COL4A5: variants seen among roughly 807,000 people sequenced by gnomAD.
COL4A5 encodes the protein collagen type IV alpha 5 chain.
Under a neutral mutation model 130.2 loss-of-function variants are expected in COL4A5, and 26 were observed. That is an observed-to-expected ratio of 0.20 (90% CI 0.15 to 0.28). COL4A5 has a LOEUF of 0.28. Among genes scored for constraint, COL4A5 ranks in the 10% least tolerant of loss-of-function variants. The probability of loss-of-function intolerance (pLI) is 1.00; values close to 1 mark genes in which losing one functional copy is unlikely to be tolerated. For synonymous variants in COL4A5, 496 were observed against 439.6 expected, an observed-to-expected ratio of 1.13 and a Z score of -1.60; for missense variants, 1,131 against 1,344.3, an observed-to-expected ratio of 0.84 and a Z score of 2.48.
At position 108,591,167 on chromosome X, in the gene COL4A5, C is replaced by T. The variant is rs144674397; in HGVS notation, c.1275C>T (p.Asp425=). Residue 425 remains aspartate, a synonymous_variant, in exon 20 of 53, where the codon GAC becomes GAT. Transcript: ENST00000328300. ...GISIPGPPGL[D]GQPGAPGLPG... The stretch of plus-strand genomic sequence containing the variant: ...CCATTCCTGGACCTCCTGGACTTGA[C>T]GGACAGCCTGGGGCTCCTGGGCTTC... The T allele has an allele frequency of 6.5e-5, 79 of 1,208,557 alleles. No homozygotes were observed. Among genetic ancestry groups the T allele is most frequent in the African/African-American group, 5.4e-4 (31 of 57,359 alleles).
At chrX:108,526,432 C>T (rs934944529) in intron 1 of COL4A5, among the ~76,000 whole-genome samples, 1 of 111,322 alleles carries the variant, frequency 9.0e-6, no homozygotes, top group African/African-American at 3.3e-5. Flanking sequence ...ACAAAGTCAT[C>T]TCTCCCATGG....
rs759261533 is a variant in COL4A5, at chrX:108,601,925, A to T, written c.2082A>T (p.Ile694=). The change falls in exon 27 of 53, where the codon ATA becomes ATT. Residue 694 remains isoleucine (I), a synonymous_variant. Transcript: ENST00000328300. ...CAGGGCAACCAGGCTTGCCAGGGAT[A>T]CCTGGTAGCAAAGGAGAACCAGGTA... ...GLPGQPGLPG[I]PGSKGEPGIP... The T allele has an allele frequency of 8.6e-7, 1 of 1,163,829 alleles. No individual in the cohort carries two copies. Among genetic ancestry groups the T allele is most frequent in the East Asian group, 3.2e-5 (1 of 31,411 alleles).
chrX:108,536,457 A>C (rs1032969716), intron 1 of COL4A5, among the ~76,000 whole-genome samples: 1 of 111,727 alleles, frequency 9.0e-6, no homozygotes, highest in African/African-American at 3.2e-5. Context: ...CTGTAGTTTC[A>C]TCATTTTCTT....
intron 44 of COL4A5, among the ~76,000 whole-genome samples, chrX:108,679,104 T>G (rs1033224257): frequency 2.7e-5 from 3 of 112,380 alleles, no homozygotes; most frequent in African/African-American, 6.5e-5. Flanking sequence ...AGGTCCATGA[T>G]GTCTATCTGC....
At chrX:108,654,050 G>A (rs1303461701) in intron 36 of COL4A5, among the ~76,000 whole-genome samples, 2 of 112,460 alleles carry the variant, frequency 1.8e-5, no homozygotes, top group East Asian at 2.8e-4. Flanking sequence ...GCAAGTGTAT[G>A]TACTAAGTGA....
intron 2 of COL4A5, among the ~76,000 whole-genome samples, chrX:108,546,153 G>A (rs1603271319): frequency 8.9e-6 from 1 of 111,782 alleles, no homozygotes; most frequent in South Asian, 3.7e-4. Flanking sequence ...CTGTCATTAT[G>A]ATGTTAGCTG....
intron 1 of COL4A5, among the ~76,000 whole-genome samples, chrX:108,458,500 C>T (rs1300469552): frequency 9.0e-6 from 1 of 111,668 alleles, no homozygotes; most frequent in Non-Finnish European, 1.9e-5. Flanking sequence ...GGGGTCTCCT[C>T]TTCGCCCCCG....
chrX:108,465,324 G>A (rs1272374151), intron 1 of COL4A5, among the ~76,000 whole-genome samples: 1 of 112,014 alleles, frequency 8.9e-6, no homozygotes, highest in African/African-American at 3.2e-5. Context: ...GTATCTTGTT[G>A]TTTTAATTTG....
intron 25 of COL4A5, among the ~76,000 whole-genome samples, chrX:108,601,152 C>T (rs192682997): frequency 9.0e-6 from 1 of 111,382 alleles, no homozygotes; most frequent in Non-Finnish European, 1.9e-5. Flanking sequence ...TAAAATTAAC[C>T]ATTATACATC....
chrX:108,603,441 T>G (rs982001052), intron 28 of COL4A5, among the ~76,000 whole-genome samples: 2 of 111,614 alleles, frequency 1.8e-5, no homozygotes, highest in African/African-American at 6.5e-5. Flanking sequence ...ATAAAGGTTA[T>G]GTTTACACTA....
At chrX:108,572,486 G>A (rs1364528781) in intron 8 of COL4A5, among the ~76,000 whole-genome samples, 1 of 110,887 alleles carries the variant, frequency 9.0e-6, no homozygotes, top group African/African-American at 3.3e-5. Context: ...ACTTTTACAC[G>A]ATCTCAAAAC....
chrX:108,526,678 T>C (rs1250114099), intron 1 of COL4A5, among the ~76,000 whole-genome samples: 2 of 39,349 alleles, frequency 5.1e-5, no homozygotes, highest in Non-Finnish European at 1.1e-4. Flanking sequence ...TTTCTCTTTC[T>C]TTCTTTCTTT....
chrX:108,670,397 C>G, intron 42 of COL4A5, 161 bp downstream of exon 42: 2 of 614,746 alleles, frequency 3.3e-6, no homozygotes, highest in Non-Finnish European at 3.9e-6. Flanking sequence ...TTGTAGAACC[C>G]AGTGTTTCTG....
intron 36 of COL4A5, among the ~76,000 whole-genome samples, chrX:108,647,975 T>A (rs1157918730): frequency 9.0e-6 from 1 of 111,518 alleles, no homozygotes; most frequent in Admixed American, 9.6e-5. Flanking sequence ...TTGCTGGATT[T>A]GGTTTGCCAG....
At chrX:108,665,389 T>C in intron 37 of COL4A5, 118 bp from the exon 38 acceptor site, 1 of 498,051 alleles carries the variant, frequency 2.0e-6, no homozygotes, top group East Asian at 3.7e-5. Context: ...CAGCATCTTT[T>C]GGGTTTCTTT....
At chrX:108,496,895 C>T (rs1338230563) in intron 1 of COL4A5, among the ~76,000 whole-genome samples, 1 of 111,240 alleles carries the variant, frequency 9.0e-6, no homozygotes, top group Non-Finnish European at 1.9e-5. Context: ...ACTTGTGATT[C>T]ACCAATTTAA....
At chrX:108,464,273 T>C (rs1209399405) in intron 1 of COL4A5, among the ~76,000 whole-genome samples, 4 of 111,926 alleles carry the variant, frequency 3.6e-5, no homozygotes, top group African/African-American at 9.7e-5. Flanking sequence ...TCTAGAGGTA[T>C]TGGCTAGACT....
intron 2 of COL4A5, among the ~76,000 whole-genome samples, chrX:108,550,137 G>A (rs1194123916): frequency 9.0e-6 from 1 of 111,291 alleles, no homozygotes; most frequent in African/African-American, 3.3e-5. Context: ...AATTTATTCA[G>A]AAAATAGAGG....
chrX:108,531,374 T>TAAATAAAAAA (rs1556380275), intron 1 of COL4A5, among the ~76,000 whole-genome samples: 1 of 106,405 alleles, frequency 9.4e-6, no homozygotes, highest in African/African-American at 3.4e-5. Flanking sequence ...ATGAAATAAA[T>TAAATAAAAAA]AAATAAAAAA....
Sources: allele counts gnomAD v4.1 joint callset (sites outside exome capture counted in the v4.1 genomes callset), GRCh38; gene constraint gnomAD v4.1.1; transcripts MANE v1.5; gene names NCBI Gene and HGNC (gene_info 2026-07-23, HGNC 2026-07-21).